ZSWIM5: variants seen among roughly 807,000 people sequenced by gnomAD.
The protein encoded by ZSWIM5 is zinc finger SWIM domain-containing protein 5.
ZSWIM5 carries 55 observed loss-of-function variants against 119.6 expected under a neutral mutation model. That is an observed-to-expected ratio of 0.46 (90% CI 0.37 to 0.58). The LOEUF (loss-of-function observed/expected upper bound fraction) is 0.58, where lower values mean the gene tolerates loss of function less well. ZSWIM5 is among the 20% of genes least tolerant of loss of function. The pLI is 0.00. For synonymous variants in ZSWIM5, 537 were observed against 606.9 expected (o/e 0.88, Z 1.69); for missense variants, 1,193 against 1,512.8 (o/e 0.79, Z 3.51).
intron 1 of ZSWIM5, among the ~76,000 whole-genome samples, chr1:45,185,664 C>A (rs1570197235): frequency 1.3e-5 from 2 of 152,336 alleles, no homozygotes; most frequent in South Asian, 4.1e-4. Flanking sequence ...CTCATCATCA[C>A]TGGCCATCAG....
chr1:45,067,752 T>A lies in ZSWIM5; in HGVS notation c.953-7505A>T, dbSNP rs145568547. Among the ~76,000 whole-genome samples the A allele has an allele frequency of 1.6e-4, 25 of 152,338 alleles. No homozygotes were observed. In the East Asian group the frequency reaches 4.8e-3, roughly 29 times the overall value. ...TCTTTTCTAAAACTCCTTTCTTTAG[T>A]TTAAAAATCAAATTAAATTAAAATG... On this transcript the variant is annotated intron_variant, in intron 2 of 13. Transcript: ENST00000359600.
rs547321831 is a variant in ZSWIM5, at chr1:45,044,499, G to T, written c.1433-1104C>A. 2.0e-5 allele frequency among the ~76,000 whole-genome samples: 3 copies of T among 150,254 alleles called. No homozygotes were observed. In the South Asian group the frequency reaches 6.3e-4, roughly 32 times the overall value. On this transcript the variant is annotated intron_variant, in intron 5 of 13. Coordinates refer to ENST00000359600, the MANE Select transcript of ZSWIM5 (RefSeq NM_020883.2). ...AGAGCTTTGGGAGGCTGAGGTGGGC[G>T]GATCATGAGGTCAGGAGATCGAGAC... is the stretch of plus-strand genomic sequence containing the variant.
chr1:45,119,013 G>A (rs1645576080), intron 1 of ZSWIM5, among the ~76,000 whole-genome samples: 1 of 152,126 alleles, frequency 6.6e-6, no homozygotes, highest in Non-Finnish European at 1.5e-5. Context: ...AGACAGGGAA[G>A]GAGAACAGAG....
intron 5 of ZSWIM5, among the ~76,000 whole-genome samples, chr1:45,048,458 G>A (rs1425101443): frequency 1.3e-5 from 2 of 152,144 alleles, no homozygotes; most frequent in African/African-American, 4.8e-5. Flanking sequence ...AGTTAAGTGT[G>A]TATGCAAAGG....
At chr1:45,034,793 T>C (rs1459135609) in intron 10 of ZSWIM5, among the ~76,000 whole-genome samples, 1 of 152,206 alleles carries the variant, frequency 6.6e-6, no homozygotes, top group Non-Finnish European at 1.5e-5. Context: ...TTATTTTATT[T>C]ATTTTTGAGA....
intron 1 of ZSWIM5, among the ~76,000 whole-genome samples, chr1:45,121,094 C>T (rs1029110959): frequency 2.6e-5 from 4 of 152,072 alleles, no homozygotes; most frequent in Admixed American, 1.3e-4. Flanking sequence ...GGACTACAGG[C>T]GCCCGCCACC....
intron 1 of ZSWIM5, among the ~76,000 whole-genome samples, chr1:45,132,774 C>T (rs1031475808): frequency 3.3e-5 from 5 of 152,154 alleles, no homozygotes; most frequent in African/African-American, 4.8e-5. Context: ...CCCCGCACCC[C>T]ACAACAGGCC....
chr1:45,149,231 G>T (rs867734364), intron 1 of ZSWIM5, among the ~76,000 whole-genome samples: 23 of 152,118 alleles, frequency 1.5e-4, no homozygotes, highest in Middle Eastern at 3.4e-3. Flanking sequence ...ACCACATCAC[G>T]CTAGCCTGGT....
chr1:45,052,428 T>C (rs2148997693), intron 4 of ZSWIM5, among the ~76,000 whole-genome samples: 1 of 152,298 alleles, frequency 6.6e-6, no homozygotes. Flanking sequence ...AATAGGAATG[T>C]TTTGAAAAGC....
At position 45,082,337 on chromosome 1, in the gene ZSWIM5, G is replaced by GA. The variant is rs34118103; in HGVS notation, c.952+5543dup. 6.0e-3 allele frequency among the ~76,000 whole-genome samples: 790 copies of GA among 131,104 alleles called. 3 individuals carry two copies. Among genetic ancestry groups the GA allele is most frequent in the South Asian group, 0.019 (78 of 4,112 alleles). The allele number at this position is 131,104 out of a possible 152,430, so 86.0% of individuals were successfully genotyped here. ...AGAATGATCAATTAAAAAAAAAAAA[G>GA]AAAAAAAAAAAAGAAATCTTTATCT... On this transcript the variant is annotated intron_variant, in intron 2 of 13. Transcript: ENST00000359600.
At chr1:45,087,414 AC>A (rs1432847829) in intron 2 of ZSWIM5, among the ~76,000 whole-genome samples, 1 of 152,156 alleles carries the variant, frequency 6.6e-6, no homozygotes, top group Non-Finnish European at 1.5e-5. Flanking sequence ...CCATTAATGC[AC>A]CCCCAATATA....
At chr1:45,062,331 C>T (rs144810181) in intron 2 of ZSWIM5, among the ~76,000 whole-genome samples, 96 of 152,174 alleles carry the variant, frequency 6.3e-4, no homozygotes, top group African/African-American at 2.1e-3. Context: ...TGGGTCAGCA[C>T]AACAAAGCTA....
At chr1:45,198,883 C>A (rs1055998934) in intron 1 of ZSWIM5, among the ~76,000 whole-genome samples, 2 of 152,146 alleles carry the variant, frequency 1.3e-5, no homozygotes, top group East Asian at 3.8e-4. Flanking sequence ...AAAGTTTATA[C>A]TTTTAATTTT....
intron 1 of ZSWIM5, among the ~76,000 whole-genome samples, chr1:45,128,490 C>T (rs1422394662): frequency 6.6e-6 from 1 of 152,092 alleles, no homozygotes; most frequent in African/African-American, 2.4e-5. Flanking sequence ...TATGCCACCG[C>T]CCCTGGCCCA....
intron 4 of ZSWIM5, among the ~76,000 whole-genome samples, chr1:45,054,419 C>T (rs1160488726): frequency 1.3e-5 from 2 of 150,958 alleles, no homozygotes; most frequent in Non-Finnish European, 2.9e-5. Context: ...CCTGTCTCTA[C>T]AAAAGTAGAA....
intron 1 of ZSWIM5, among the ~76,000 whole-genome samples, chr1:45,190,999 T>G (rs971656830): frequency 2.4e-4 from 31 of 127,360 alleles, no homozygotes; most frequent in Non-Finnish European, 3.1e-5. Context: ...CAGGCCGGAG[T>G]GCAGTGGCGC....
chr1:45,184,881 C>T (rs1372978421), intron 1 of ZSWIM5, among the ~76,000 whole-genome samples: 2 of 151,830 alleles, frequency 1.3e-5, no homozygotes, highest in Non-Finnish European at 2.9e-5. Context: ...ACTTTCTTCA[C>T]AGAATTGGAA....
Position 45,018,998 on chromosome 1 carries a change from C to T in ZSWIM5, c.3014G>A (p.Arg1005His), listed in dbSNP as rs375662782. Residue 1005 changes from arginine to histidine, a missense_variant, in exon 14 of 14, where the codon CGC (arginine) becomes CAC (histidine). Coordinates refer to ENST00000359600, the MANE Select transcript of ZSWIM5 (RefSeq NM_020883.2). This position sits in a 1 kb window ranked among gnomAD's most constrained non-coding sequence, Gnocchi z 6.7. Reference protein sequence around the residue: ...MTHSQLFTIARYMELRGYPLR... With the variant: ...MTHSQLFTIAHYMELRGYPLR... ...CGGGTAGCCACGGAGCTCCATGTAG[C>T]GGGCGATGGTGAACAGCTGTGAATG... 3.7e-6 allele frequency: 6 copies of T among 1,614,196 alleles called. No homozygotes were observed. The highest frequency in any genetic ancestry group is 3.3e-5 in the Admixed American group (2 of 60,030).
At chr1:45,080,407 T>C (rs924862745) in intron 2 of ZSWIM5, among the ~76,000 whole-genome samples, 3 of 152,144 alleles carry the variant, frequency 2.0e-5, no homozygotes, top group African/African-American at 7.2e-5. Context: ...TCTGTTATAA[T>C]AGGGCAGCAC....
Sources: allele counts gnomAD v4.1 joint callset (sites outside exome capture counted in the v4.1 genomes callset), GRCh38; gene constraint gnomAD v4.1.1; non-coding constraint Gnocchi (gnomAD v3.1); transcripts MANE v1.5; gene names NCBI Gene and HGNC (gene_info 2026-07-23, HGNC 2026-07-21).